TOX: variants seen among roughly 807,000 people sequenced by gnomAD.
The protein encoded by TOX is thymocyte selection-associated high mobility group box protein TOX.
Under a neutral mutation model 53.7 loss-of-function variants are expected in TOX, and 11 were observed. The ratio of observed to expected loss-of-function variants is 0.20; its 90% CI spans 0.13 to 0.34. The LOEUF (loss-of-function observed/expected upper bound fraction) is 0.34, where lower values mean the gene tolerates loss of function less well. Among genes scored for constraint, TOX ranks in the 10% least tolerant of loss-of-function variants. TOX has a pLI of 1.00. For synonymous variants in TOX, 225 were observed against 245.3 expected (o/e 0.92, Z 0.77); for missense variants, 570 against 664.6 (o/e 0.86, Z 1.56).
At chr8:59,009,249 C>T (rs1813852510) in intron 1 of TOX, among the ~76,000 whole-genome samples, 1 of 151,376 alleles carries the variant, frequency 6.6e-6, no homozygotes, top group Non-Finnish European at 1.5e-5. Context: ...ACAAGCCTCC[C>T]GGGAGCACAG....
At chr8:58,824,314 A>C (rs1250478649) in intron 6 of TOX, among the ~76,000 whole-genome samples, 1 of 152,198 alleles carries the variant, frequency 6.6e-6, no homozygotes, top group Non-Finnish European at 1.5e-5. Context: ...CGTAAGTCCC[A>C]TCAGGGTATC....
chr8:58,943,280 T>G (rs1197663093), intron 2 of TOX, among the ~76,000 whole-genome samples: 5 of 152,028 alleles, frequency 3.3e-5, no homozygotes, highest in Admixed American at 3.3e-4. Context: ...GTGAAGGAAG[T>G]CACAGCAGCA....
At chr8:58,824,321 T>C (rs1810332368) in intron 6 of TOX, among the ~76,000 whole-genome samples, 1 of 152,160 alleles carries the variant, frequency 6.6e-6, no homozygotes, top group Admixed American at 6.5e-5. Context: ...CCCATCAGGG[T>C]ATCTGTCCCT....
intron 1 of TOX, among the ~76,000 whole-genome samples, chr8:59,070,295 C>CAGTG (rs1161608054): frequency 6.6e-6 from 1 of 152,154 alleles, no homozygotes; most frequent in Non-Finnish European, 1.5e-5. Context: ...TATACCTACA[C>CAGTG]AGTGACAAAC....
intron 3 of TOX, among the ~76,000 whole-genome samples, chr8:58,884,473 T>C (rs1270888678): frequency 6.6e-6 from 1 of 152,122 alleles, no homozygotes. Context: ...ATTACAGCAG[T>C]AATAAATCAT....
chr8:59,054,055 A>C (rs999287860), intron 1 of TOX, among the ~76,000 whole-genome samples: 1 of 152,204 alleles, frequency 6.6e-6, no homozygotes, highest in Non-Finnish European at 1.5e-5. Flanking sequence ...CACTTAAACT[A>C]ACTTGCAAGT....
chr8:59,099,511 G>GA (rs57917599), intron 1 of TOX, among the ~76,000 whole-genome samples: 1,733 of 152,220 alleles, frequency 0.011, 47 homozygotes, highest in African/African-American at 0.039. Context: ...TAAGCACTGT[G>GA]AAAAAAACCT....
At chr8:58,907,905 A>C (rs1811845247) in intron 3 of TOX, among the ~76,000 whole-genome samples, 1 of 152,180 alleles carries the variant, frequency 6.6e-6, no homozygotes, top group Non-Finnish European at 1.5e-5. Flanking sequence ...GATATCTTCA[A>C]ATATATAGAA....
intron 1 of TOX, among the ~76,000 whole-genome samples, chr8:59,044,500 G>A (rs1158108459): frequency 6.6e-6 from 1 of 152,076 alleles, no homozygotes; most frequent in East Asian, 1.9e-4. Context: ...AAATCCTGGA[G>A]GAGACAACAG....
chr8:58,964,389 C>T (rs973538457), intron 1 of TOX, among the ~76,000 whole-genome samples: 1 of 152,024 alleles, frequency 6.6e-6, no homozygotes, highest in Non-Finnish European at 1.5e-5. Context: ...GAAGAGTAAG[C>T]CAAGATCCCA....
chr8:58,820,965 A>G (rs1585843456), intron 6 of TOX, among the ~76,000 whole-genome samples: 1 of 152,182 alleles, frequency 6.6e-6, no homozygotes, highest in African/African-American at 2.4e-5. Flanking sequence ...TGGAAAAACT[A>G]TATTTCCTTA....
chr8:58,919,110 T>C (rs1238643477), intron 3 of TOX, among the ~76,000 whole-genome samples: 2 of 151,530 alleles, frequency 1.3e-5, no homozygotes, highest in South Asian at 2.1e-4. Context: ...GAATCAATAT[T>C]GTGAAAATGG....
chr8:59,068,282 A>T (rs1256563421), intron 1 of TOX, among the ~76,000 whole-genome samples: 3 of 152,198 alleles, frequency 2.0e-5, no homozygotes, highest in Non-Finnish European at 4.4e-5. Context: ...CTAATAAGAA[A>T]TAACATTATG....
chr8:58,912,540 G>T (rs1302643289), intron 3 of TOX, among the ~76,000 whole-genome samples: 9 of 152,200 alleles, frequency 5.9e-5, no homozygotes, highest in Non-Finnish European at 1.3e-4. Flanking sequence ...TCTCAAACCT[G>T]AGTATGTGAC....
chr8:59,098,887 C>T (rs1243236093), intron 1 of TOX, among the ~76,000 whole-genome samples: 1 of 152,156 alleles, frequency 6.6e-6, no homozygotes, highest in Non-Finnish European at 1.5e-5. Context: ...TTAATATGCT[C>T]CAGTTGCCCT....
At chr8:59,043,300 G>C (rs980923610) in intron 1 of TOX, among the ~76,000 whole-genome samples, 1 of 151,198 alleles carries the variant, frequency 6.6e-6, no homozygotes, top group Middle Eastern at 3.4e-3. Flanking sequence ...AAGTCAACTA[G>C]ATATGTGTTA....
intron 3 of TOX, among the ~76,000 whole-genome samples, chr8:58,896,660 C>T (rs117369133): frequency 0.06 from 8,793 of 147,666 alleles, 327 homozygotes; most frequent in East Asian, 0.2. Flanking sequence ...GGTGACAGAG[C>T]GAGAATCCAT....
intron 1 of TOX, among the ~76,000 whole-genome samples, chr8:59,061,834 C>T (rs1317494373): frequency 6.6e-6 from 1 of 152,014 alleles, no homozygotes; most frequent in Non-Finnish European, 1.5e-5. Context: ...TGCGCCCATG[C>T]CCAGCCCCTG....
In TOX at chr8:58,978,130, T is replaced by A. The variant is rs181211122; in HGVS notation, c.103-18122A>T. Among the ~76,000 whole-genome samples, 32 of 152,318 alleles carry A rather than the reference T, an allele frequency of 2.1e-4. No individual in the cohort carries two copies. The East Asian group carries it at 4.2e-3, about 20-fold the overall frequency. On this transcript the variant is annotated intron_variant, in intron 1 of 8. Transcript: ENST00000361421. ...TAATGGGTTAATAACATTATGAGTT[T>A]TATTTTTTCAACAGGGTAGGCATGG...
Sources: gnomAD v4.1 joint callset for allele counts (sites outside exome capture counted in the v4.1 genomes callset) on GRCh38, gnomAD v4.1.1 for gene constraint, MANE v1.5 for transcripts, NCBI Gene and HGNC (gene_info 2026-07-23, HGNC 2026-07-21) for gene names.